Variants in TMEM273 observed in about 807,000 individuals in gnomAD.
TMEM273 encodes the protein chromosome 10 open reading frame 128.
TMEM273 carries 19 observed loss-of-function variants against 17.9 expected under a neutral mutation model. The ratio of observed to expected loss-of-function variants is 1.06; its 90% CI spans 0.74 to 1.55. TMEM273 has a LOEUF of 1.55. TMEM273 is among the 40% of genes most tolerant of loss of function. The pLI is 0.00. For missense variants in TMEM273, 194 were observed against 155.6 expected, an observed-to-expected ratio of 1.25 and a Z score of -1.31; for synonymous variants, 66 against 62.0, an observed-to-expected ratio of 1.07 and a Z score of -0.31.
intron 5 of TMEM273, among the ~76,000 whole-genome samples, chr10:49,163,393 A>C (rs1488490307): frequency 6.6e-6 from 1 of 152,068 alleles, no homozygotes; most frequent in Non-Finnish European, 1.5e-5. Flanking sequence ...ACACATTTCC[A>C]AAACCCCCTG....
intron 1 of TMEM273, among the ~76,000 whole-genome samples, chr10:49,173,688 T>A (rs900029298): frequency 6.6e-6 from 1 of 152,218 alleles, no homozygotes; most frequent in African/African-American, 2.4e-5. Context: ...AGCGAGATGA[T>A]GCATGAGAGC....
chr10:49,163,809 A>G (rs2132125134), intron 5 of TMEM273, among the ~76,000 whole-genome samples: 1 of 152,302 alleles, frequency 6.6e-6, no homozygotes, highest in East Asian at 1.9e-4. Flanking sequence ...GCTGAAAACT[A>G]GAATATCTGT....
At chr10:49,161,418 C>A (rs547220305) in intron 6 of TMEM273, 181 bp downstream of exon 6, 4 of 699,784 alleles carry the variant, frequency 5.7e-6, no homozygotes, top group Non-Finnish European at 1.0e-5. Context: ...ACCATCATGT[C>A]CCAAGGTGAT....
chr10:49,172,961 T>G (rs1338014086), intron 1 of TMEM273, among the ~76,000 whole-genome samples: 2 of 152,212 alleles, frequency 1.3e-5, no homozygotes, highest in Non-Finnish European at 2.9e-5. Flanking sequence ...TCCTGTCAAC[T>G]GTGATTGGTC....
chr10:49,185,744 C>T (rs955064877), intron 1 of TMEM273, among the ~76,000 whole-genome samples: 3 of 151,926 alleles, frequency 2.0e-5, no homozygotes, highest in Non-Finnish European at 4.4e-5. Flanking sequence ...TTTTGGAGGC[C>T]GAGGTGGGCG....
chr10:49,174,300 A>C (rs550382976), intron 1 of TMEM273, among the ~76,000 whole-genome samples: 1 of 152,296 alleles, frequency 6.6e-6, no homozygotes, highest in South Asian at 2.1e-4. Flanking sequence ...CAGGCACTCC[A>C]CGGGGCTGTT....
rs745487940 is a variant in TMEM273, at chr10:49,178,506, C to T, written c.43+9788G>A. The T allele has an allele frequency of 4.2e-5, 14 of 330,090 alleles. 1 individual carries two copies. The highest frequency in any genetic ancestry group is 7.9e-5 in the Non-Finnish European group (13 of 164,770). 20.4% of individuals were successfully genotyped at this position (330,090 alleles called of 1,614,324 possible). ...GCAAAACAGATGACATGTGAGGAGG[C>T]TGGACAGTAACCTGATGGATGTTCC... On this transcript the variant is annotated intron_variant, in intron 1 of 6. Transcript: ENST00000374153.
chr10:49,160,649 A>G (rs1473578445), intron 6 of TMEM273: 1 of 152,166 alleles, frequency 6.6e-6, no homozygotes, highest in Non-Finnish European at 1.5e-5. Context: ...AATTAGCATT[A>G]ATTTTCTTAG....
chr10:49,186,893 T>A (rs1057091145), intron 1 of TMEM273, among the ~76,000 whole-genome samples: 2 of 152,290 alleles, frequency 1.3e-5, no homozygotes, highest in South Asian at 4.1e-4. Context: ...TCATGTAACA[T>A]CTTCAGCAGA....
rs564381929 is a variant in TMEM273 at position 49,175,712 on chromosome 10, G to A, written c.44-7750C>T. Among the ~76,000 whole-genome samples, 3 of 152,054 alleles carry A rather than the reference G, an allele frequency of 2.0e-5. No individual in the cohort carries two copies. In the East Asian group the frequency reaches 5.8e-4, roughly 29 times the overall value. ...CTAGGAGCTCCTCCAAGGGGGCAGGGCCCCCCCCACCTGGTGTCCCAGGTC... is the reference window on the plus strand; with the variant it reads ...CTAGGAGCTCCTCCAAGGGGGCAGGACCCCCCCCACCTGGTGTCCCAGGTC... On this transcript the variant is annotated intron_variant, in intron 1 of 6. Coordinates refer to ENST00000374153, the MANE Select transcript of TMEM273 (RefSeq NM_001288740.3).
chr10:49,165,853 A>G (rs1408360736), intron 3 of TMEM273, 57 bp from the exon 4 acceptor site: 3 of 1,606,638 alleles, frequency 1.9e-6, no homozygotes, highest in Non-Finnish European at 2.6e-6. Flanking sequence ...GGTGCAGAGC[A>G]TTCCCTAGAG....
intron 6 of TMEM273, among the ~76,000 whole-genome samples, chr10:49,157,116 G>T (rs1221953371): frequency 6.6e-6 from 1 of 152,232 alleles, no homozygotes; most frequent in Non-Finnish European, 1.5e-5. Flanking sequence ...AGTTAGCCAG[G>T]TTTGCACTTG....
intron 2 of TMEM273, among the ~76,000 whole-genome samples, chr10:49,167,461 G>A (rs185895271): frequency 5.4e-4 from 82 of 152,374 alleles, no homozygotes; most frequent in African/African-American, 1.8e-3. Context: ...AGCTCATGAC[G>A]GGAGAGGCTG....
intron 3 of TMEM273, 112 bp from the exon 4 acceptor site, chr10:49,165,908 G>A (rs74322768): frequency 7.2e-6 from 10 of 1,384,044 alleles, no homozygotes; most frequent in South Asian, 6.2e-5. Flanking sequence ...GGTTGCCCTC[G>A]AGAGACCCGG....
At chr10:49,178,176 G>A (rs1847111694) in intron 1 of TMEM273, 1 of 457,298 alleles carries the variant, frequency 2.2e-6, no homozygotes, top group South Asian at 1.5e-5. Flanking sequence ...CTCTTTTGCT[G>A]GCCCATGTCA....
intron 1 of TMEM273, among the ~76,000 whole-genome samples, chr10:49,174,681 A>G (rs1564637874): frequency 6.6e-6 from 1 of 152,168 alleles, no homozygotes; most frequent in Non-Finnish European, 1.5e-5. Context: ...AAAGGAACAC[A>G]CGGGAAAAAG....
chr10:49,159,732 T>C (rs138083453), intron 6 of TMEM273, among the ~76,000 whole-genome samples: 3 of 96,194 alleles, frequency 3.1e-5, no homozygotes, highest in Admixed American at 2.3e-4. Flanking sequence ...ACAGAGAGAG[T>C]GAGAGAGAGA....
At chr10:49,156,594 T>A (rs997429439) in intron 6 of TMEM273, among the ~76,000 whole-genome samples, 1 of 152,232 alleles carries the variant, frequency 6.6e-6, no homozygotes, top group Non-Finnish European at 1.5e-5. Context: ...GTATATATGC[T>A]TACATTGAAT....
chr10:49,159,932 T>A (rs2804935), intron 6 of TMEM273, among the ~76,000 whole-genome samples: 91,217 of 151,804 alleles, frequency 0.6, 27,616 homozygotes, highest in South Asian at 0.71. Context: ...CAATTTGGGC[T>A]TCAGAAAGAA....
Sources: gnomAD v4.1 joint callset for allele counts (sites outside exome capture counted in the v4.1 genomes callset) on GRCh38, gnomAD v4.1.1 for gene constraint, MANE v1.5 for transcripts, NCBI Gene and HGNC (gene_info 2026-07-23, HGNC 2026-07-21) for gene names.